HSDL1: variants seen among roughly 807,000 people sequenced by gnomAD.
HSDL1 encodes the protein hydroxysteroid dehydrogenase like 1, also known as inactive hydroxysteroid dehydrogenase-like protein 1.
HSDL1 carries 29 observed loss-of-function variants against 31.5 expected under a neutral mutation model. That is an observed-to-expected ratio of 0.92 (90% CI 0.69 to 1.26). The LOEUF is 1.26. HSDL1 is among the 50% of genes most tolerant of loss of function. The pLI is 0.00. For synonymous variants in HSDL1, 222 were observed against 155.2 expected, an observed-to-expected ratio of 1.43 and a Z score of -3.20; for missense variants, 503 against 416.6, an observed-to-expected ratio of 1.21 and a Z score of -1.81.
At chr16:84,131,392 G>A in intron 2 of HSDL1, 65 bp from the exon 3 acceptor site, 1 of 1,122,388 alleles carries the variant, frequency 8.9e-7, no homozygotes, top group Non-Finnish European at 1.4e-6. Flanking sequence ...TACACAGTCT[G>A]AGTGAAGACA....
intron 5 of HSDL1, among the ~76,000 whole-genome samples, chr16:84,129,093 G>A (rs967633810): frequency 1.3e-5 from 2 of 152,096 alleles, no homozygotes; most frequent in African/African-American, 4.8e-5. Context: ...AGAAAATTTA[G>A]TGTCTTTGGT....
At chr16:84,141,017 G>A (rs1189437077) in intron 1 of HSDL1, among the ~76,000 whole-genome samples, 1 of 151,826 alleles carries the variant, frequency 6.6e-6, no homozygotes, top group Non-Finnish European at 1.5e-5. Context: ...CGTGAACCCG[G>A]AAGGCGGAGC....
At chr16:84,125,003 C>G (rs1395947489) in intron 5 of HSDL1, 1 of 231,554 alleles carries the variant, frequency 4.3e-6, no homozygotes, top group African/African-American at 2.4e-5. Context: ...CAAATACCCA[C>G]CAATCACAAT....
Position 84,131,530 on chromosome 16 carries a change from T to TCAATCA in HSDL1, c.-6-204_-6-203insTGATTG, listed in dbSNP as rs770023196. Among the ~76,000 whole-genome samples the TCAATCA allele has an allele frequency of 2.7e-3, 400 of 146,244 alleles. 2 individuals carry two copies. The highest frequency in any genetic ancestry group is 4.8e-3 in the East Asian group (23 of 4,824). ...CTATCTATCTATCTATCTATCTATC[T>TCAATCA]ATCAGACAGAGTCTCACCCTGTCGC... On this transcript the variant is annotated intron_variant, in intron 2 of 5. Coordinates refer to ENST00000219439, the MANE Select transcript of HSDL1 (RefSeq NM_031463.5).
In HSDL1 at chr16:84,123,116, C is replaced by T. The variant is rs1446665828; in HGVS notation, c.*1514G>A. On this transcript the variant is annotated 3_prime_UTR_variant, in exon 6 of 6. Transcript: ENST00000219439. ...TCTCCCAGTGTGTAGATTTTCACAT[C>T]TAAGTTCTGAAGACATGATCTAAGC... The T allele has an allele frequency of 6.6e-6, 1 of 151,884 alleles. No homozygotes were observed. The highest frequency in any genetic ancestry group is 2.4e-5 in the African/African-American group (1 of 41,304). 9.4% of individuals were successfully genotyped at this position (151,884 alleles called of 1,614,324 possible). A position where few individuals can be genotyped will look rare whatever the true frequency, so the allele number is the denominator to read the frequency against.
intron 1 of HSDL1, among the ~76,000 whole-genome samples, chr16:84,138,407 C>T (rs1227577852): frequency 6.6e-6 from 1 of 152,092 alleles, no homozygotes; most frequent in African/African-American, 2.4e-5. Context: ...AGTACAGTGA[C>T]CATAGTGAGC....
intron 2 of HSDL1, among the ~76,000 whole-genome samples, chr16:84,133,655 G>T (rs1056090019): frequency 2.6e-5 from 4 of 152,154 alleles, no homozygotes; most frequent in Non-Finnish European, 4.4e-5. Flanking sequence ...CTTGAACCCG[G>T]GAGGAGGAAG....
intron 3 of HSDL1, among the ~76,000 whole-genome samples, 155 bp from the exon 4 acceptor site, chr16:84,130,586 AT>A (rs2086654091): frequency 6.6e-6 from 1 of 152,234 alleles, no homozygotes; most frequent in African/African-American, 2.4e-5. Flanking sequence ...CTGTTGCTGA[AT>A]GAGGAATGTG....
chr16:84,138,898 T>G (rs1424511741), intron 1 of HSDL1, among the ~76,000 whole-genome samples: 8 of 152,214 alleles, frequency 5.3e-5, no homozygotes, highest in African/African-American at 1.7e-4. Flanking sequence ...CTGTGGCCTG[T>G]AACATGATCC....
Position 84,134,802 on chromosome 16 carries a change from C to G in HSDL1, c.-7+742G>C, listed in dbSNP as rs545758941. Among the ~76,000 whole-genome samples, 8 of 152,266 alleles carry G rather than the reference C, an allele frequency of 5.3e-5. No individual in the cohort carries two copies. In the East Asian group the frequency reaches 1.5e-3, roughly 29 times the overall value. Reference sequence around the variant, plus strand: ...TGTAATTACCTGTATGTACCAGGACCTCTCAAGCAAAATGTAATAAAATTG... The same window carrying G: ...TGTAATTACCTGTATGTACCAGGACGTCTCAAGCAAAATGTAATAAAATTG... On this transcript the variant is annotated intron_variant, in intron 2 of 5. Coordinates refer to ENST00000219439, the MANE Select transcript of HSDL1 (RefSeq NM_031463.5).
intron 5 of HSDL1, 115 bp downstream of exon 5, chr16:84,129,433 G>T: frequency 1.3e-6 from 1 of 785,684 alleles, no homozygotes; most frequent in Non-Finnish European, 2.1e-6. Context: ...TAAGTGTCAG[G>T]CTTAAGAGTC....
chr16:84,127,209 CTTT>C (rs71148881), intron 5 of HSDL1, among the ~76,000 whole-genome samples: 3 of 93,394 alleles, frequency 3.2e-5, no homozygotes, highest in Admixed American at 1.2e-4. Flanking sequence ...ACTGTTTCTT[CTTT>C]TTTTTTTTTT....
At chr16:84,140,960 G>T (rs1200340193) in intron 1 of HSDL1, among the ~76,000 whole-genome samples, 1 of 151,972 alleles carries the variant, frequency 6.6e-6, no homozygotes, top group Non-Finnish European at 1.5e-5. Flanking sequence ...GCGCAGTGGT[G>T]GGCGCCTGTA....
intron 1 of HSDL1, among the ~76,000 whole-genome samples, chr16:84,142,558 C>G (rs536822311): frequency 1.3e-4 from 20 of 150,898 alleles, no homozygotes; most frequent in African/African-American, 4.4e-4. Flanking sequence ...GCCTCAGCCT[C>G]CCAAGTAACT....
intron 5 of HSDL1, among the ~76,000 whole-genome samples, chr16:84,128,988 G>C (rs1001977607): frequency 2.0e-5 from 3 of 152,068 alleles, no homozygotes; most frequent in Non-Finnish European, 2.9e-5. Flanking sequence ...GATTACAGAT[G>C]TGAGCCACCA....
intron 2 of HSDL1, among the ~76,000 whole-genome samples, chr16:84,132,934 A>G (rs1237175057): frequency 6.6e-6 from 1 of 151,962 alleles, no homozygotes; most frequent in Non-Finnish European, 1.5e-5. Flanking sequence ...AAAGAAATAT[A>G]AAACTTCTGG....
intron 5 of HSDL1, among the ~76,000 whole-genome samples, chr16:84,126,322 G>A (rs1305895808): frequency 6.6e-6 from 1 of 152,060 alleles, no homozygotes; most frequent in Non-Finnish European, 1.5e-5. Context: ...TCCTGCTGAT[G>A]CTGCTCTGCT....
At chr16:84,143,219 T>A (rs2086784893) in intron 1 of HSDL1, among the ~76,000 whole-genome samples, 1 of 152,184 alleles carries the variant, frequency 6.6e-6, no homozygotes, top group Admixed American at 6.5e-5. Flanking sequence ...AACAAATGAA[T>A]GAATAAGCAA....
intron 1 of HSDL1, among the ~76,000 whole-genome samples, chr16:84,137,905 G>C (rs2086727292): frequency 6.6e-6 from 1 of 152,230 alleles, no homozygotes; most frequent in Non-Finnish European, 1.5e-5. Flanking sequence ...TATCTGACTA[G>C]TTACTGTTTT....
Sources: gnomAD v4.1 joint callset for allele counts (sites outside exome capture counted in the v4.1 genomes callset) on GRCh38, gnomAD v4.1.1 for gene constraint, MANE v1.5 for transcripts, NCBI Gene and HGNC (gene_info 2026-07-23, HGNC 2026-07-21) for gene names.